The following SIN3B variants were observed in gnomAD, a reference collection of about 807,000 sequenced individuals.
SIN3B encodes the protein SIN3 transcription regulator family member B.
In SIN3B, 19 loss-of-function variants were observed where a neutral mutation model predicts 120.2. The observed-to-expected ratio is 0.16, with a 90% CI of 0.11 to 0.23. The LOEUF (loss-of-function observed/expected upper bound fraction) is 0.23. Ranked by LOEUF, SIN3B falls within the 10% of genes least tolerant of loss-of-function variation. The probability of loss-of-function intolerance (pLI) is 1.00; values close to 1 mark genes in which losing one functional copy is unlikely to be tolerated. For synonymous variants in SIN3B, 654 were observed against 653.2 expected (o/e 1.00, Z -0.02); for missense variants, 1,073 against 1,573.0 (o/e 0.68, Z 5.38).
At chr19:16,877,204 C>T (rs1281165185) in intron 16 of SIN3B, 11 of 316,944 alleles carry the variant, frequency 3.5e-5, no homozygotes, top group Admixed American at 1.4e-4. Context: ...ATTCCCTCAA[C>T]GTCCTGGAGG....
chr19:16,875,991 G>C, intron 14 of SIN3B, 64 bp from the exon 15 acceptor site: 1 of 1,496,432 alleles, frequency 6.7e-7, no homozygotes, highest in Non-Finnish European at 8.9e-7. Flanking sequence ...GACTTCCTCT[G>C]TGGGTGAGGT....
At chr19:16,839,156 C>T (rs956466910) in intron 3 of SIN3B, among the ~76,000 whole-genome samples, 13 of 151,422 alleles carry the variant, frequency 8.6e-5, no homozygotes, top group Admixed American at 6.6e-4. Context: ...TTAGTGGAGA[C>T]GGGGTTTTGC....
At chr19:16,829,996 G>A in intron 2 of SIN3B, 99 bp downstream of exon 2, 2 of 782,996 alleles carry the variant, frequency 2.6e-6, no homozygotes, top group Non-Finnish European at 2.2e-6. Flanking sequence ...CCCTTAGCCG[G>A]GTGACCTTGC....
At chr19:16,837,034 G>A (rs1054280685) in intron 3 of SIN3B, among the ~76,000 whole-genome samples, 14 of 152,126 alleles carry the variant, frequency 9.2e-5, no homozygotes, top group East Asian at 1.9e-4. Context: ...TGCGGGTGGC[G>A]CATGGGAGAG....
chr19:16,863,159 C>CCT, intron 9 of SIN3B: 1 of 576,174 alleles, frequency 1.7e-6, no homozygotes, highest in Admixed American at 3.4e-5. Context: ...TGCTGTCTGA[C>CCT]CCTTTGCAGA....
chr19:16,829,977 C>A, intron 2 of SIN3B, 80 bp downstream of exon 2: 1 of 906,318 alleles, frequency 1.1e-6, no homozygotes. Flanking sequence ...CTCCCCTCTC[C>A]AGCCTGCCCC....
chr19:16,846,887 A>C, intron 4 of SIN3B, 83 bp from the exon 5 acceptor site: 7 of 1,460,786 alleles, frequency 4.8e-6, no homozygotes, highest in East Asian at 2.3e-5. Flanking sequence ...TGTCCCCTTC[A>C]CGGAGGGCTG....
chr19:16,870,982 T>C lies in SIN3B; in HGVS notation c.2423-247T>C, dbSNP rs750117249. ...CTGGGATTACAGGCATGGGCCACCA[T>C]GCCTGGCCTCCACAGCATTCTCGCT... On this transcript the variant is annotated intron_variant, in intron 13 of 18. Coordinates refer to ENST00000248054, the MANE Select transcript of SIN3B (RefSeq NM_001297595.2). Among the ~76,000 whole-genome samples, 40 of 152,232 alleles carry C rather than the reference T, an allele frequency of 2.6e-4. 1 individual carries two copies. Among genetic ancestry groups the C allele is most frequent in the Non-Finnish European group, 1.6e-4 (11 of 68,034 alleles).
intron 8 of SIN3B, among the ~76,000 whole-genome samples, chr19:16,858,154 AGT>A (rs1343350357): frequency 1.3e-5 from 2 of 152,106 alleles, no homozygotes; most frequent in African/African-American, 4.8e-5. Context: ...TGGGATTGCA[AGT>A]GTGAGCCACG....
At chr19:16,840,852 A>G (rs1341315425) in intron 3 of SIN3B, among the ~76,000 whole-genome samples, 2 of 152,202 alleles carry the variant, frequency 1.3e-5, no homozygotes, top group Admixed American at 6.5e-5. Context: ...TGCAATGAGT[A>G]AAATACATGA....
chr19:16,830,773 T>G (rs1388527818), intron 2 of SIN3B, among the ~76,000 whole-genome samples: 1 of 152,240 alleles, frequency 6.6e-6, no homozygotes, highest in Non-Finnish European at 1.5e-5. Context: ...TATTTATGCA[T>G]TGCAATTGTT....
intron 1 of SIN3B, 111 bp downstream of exon 1, chr19:16,829,651 C>A: frequency 9.1e-7 from 1 of 1,093,512 alleles, no homozygotes; most frequent in African/African-American, 1.6e-5. Flanking sequence ...CTCCCCTCTG[C>A]ACTGCCCCGG....
At chr19:16,843,372 G>GT (rs1971442136) in intron 4 of SIN3B, among the ~76,000 whole-genome samples, 1 of 152,230 alleles carries the variant, frequency 6.6e-6, no homozygotes, top group African/African-American at 2.4e-5. Context: ...GATAGAATTT[G>GT]TGTTCTGGGA....
intron 5 of SIN3B, among the ~76,000 whole-genome samples, chr19:16,848,845 C>G (rs1370990346): frequency 6.6e-6 from 1 of 152,134 alleles, no homozygotes; most frequent in African/African-American, 2.4e-5. Flanking sequence ...ACAATGTTGT[C>G]CAGGTTGGTC....
intron 16 of SIN3B, chr19:16,877,178 C>T: frequency 3.8e-6 from 1 of 266,200 alleles, no homozygotes; most frequent in African/African-American, 2.2e-5. Context: ...CACGTGGCTT[C>T]AAACAACAGA....
chr19:16,842,105 T>G, intron 4 of SIN3B, 137 bp downstream of exon 4: 2 of 827,522 alleles, frequency 2.4e-6, no homozygotes. Context: ...TTGTTTGTTT[T>G]TTCTTAGAGT....
At chr19:16,865,717 C>T (rs1389369194) in intron 11 of SIN3B, 69 bp downstream of exon 11, 67 of 1,037,920 alleles carry the variant, frequency 6.5e-5, no homozygotes, top group East Asian at 2.4e-4. Context: ...CTCCCCTCCC[C>T]TCCCCACTGC....
chr19:16,862,625 C>G lies in SIN3B; in HGVS notation c.1266+66C>G. 1.5e-6 allele frequency: 2 copies of G among 1,368,898 alleles called. No individual in the cohort carries two copies. The highest frequency in any genetic ancestry group is 2.1e-6 in the Non-Finnish European group (2 of 975,206). 84.8% of individuals were successfully genotyped at this position (1,368,898 alleles called of 1,614,324 possible). Reference sequence around the variant, plus strand: ...ATCCCCCACCCCTCCCCAGCAAACACCCGATACCCCCGTTATGAATGAAAT... The same window carrying G: ...ATCCCCCACCCCTCCCCAGCAAACAGCCGATACCCCCGTTATGAATGAAAT... On this transcript the variant is annotated intron_variant, in intron 9 of 18. Transcript: ENST00000248054. The surrounding 1 kb of genome is among the most constrained non-coding windows in gnomAD (Gnocchi z 4.7).
chr19:16,864,266 C>T (rs1030580697), intron 10 of SIN3B, among the ~76,000 whole-genome samples: 1 of 152,100 alleles, frequency 6.6e-6, no homozygotes, highest in African/African-American at 2.4e-5. Flanking sequence ...TGCACTCCAC[C>T]CTGGACAACA....
Sources: gnomAD v4.1 joint callset for allele counts (sites outside exome capture counted in the v4.1 genomes callset) on GRCh38, gnomAD v4.1.1 for gene constraint, Gnocchi (gnomAD v3.1) non-coding constraint, MANE v1.5 for transcripts, NCBI Gene and HGNC (gene_info 2026-07-23, HGNC 2026-07-21) for gene names.